The following LDLRAD4 variants were observed in gnomAD, a reference collection of about 807,000 sequenced individuals.
LDLRAD4 encodes the protein low density lipoprotein receptor class A domain containing 4.
Under a neutral mutation model 17.0 loss-of-function variants are expected in LDLRAD4, and 5 were observed. The ratio of observed to expected loss-of-function variants is 0.29; its 90% CI spans 0.15 to 0.62. The LOEUF is 0.62. LDLRAD4 is among the 20% of genes least tolerant of loss of function. LDLRAD4 has a pLI of 0.84. For synonymous variants in LDLRAD4, 168 were observed against 171.8 expected (o/e 0.98, Z 0.17); for missense variants, 340 against 424.7 (o/e 0.80, Z 1.75).
At chr18:13,341,962 G>T (rs533234941) in intron 1 of LDLRAD4, among the ~76,000 whole-genome samples, 15 of 152,080 alleles carry the variant, frequency 9.9e-5, no homozygotes, top group Non-Finnish European at 1.5e-4. Context: ...GTTGAATTTT[G>T]TCAAATGATT....
chr18:13,351,657 G>T (rs1390883443), intron 1 of LDLRAD4, among the ~76,000 whole-genome samples: 2 of 152,162 alleles, frequency 1.3e-5, no homozygotes, highest in African/African-American at 4.8e-5. Flanking sequence ...GGACCAGACA[G>T]ATTCACAGCC....
chr18:13,278,598 C>A (rs377322450), intron 1 of LDLRAD4, among the ~76,000 whole-genome samples: 12 of 152,288 alleles, frequency 7.9e-5, no homozygotes, highest in East Asian at 5.8e-4. Context: ...TGTCAAAGAA[C>A]ATGAAGTGAA....
At chr18:13,649,958 TC>T (rs2149034110) in exon 6 of LDLRAD4, 1 of 397,670 alleles carries the variant, frequency 2.5e-6, no homozygotes, top group East Asian at 3.6e-5. Context: ...AGGGAGAACT[TC>T]CCCTTCTTGG....
intron 3 of LDLRAD4, among the ~76,000 whole-genome samples, chr18:13,566,309 CTG>C (rs1299728251): frequency 6.6e-6 from 1 of 151,892 alleles, no homozygotes; most frequent in Non-Finnish European, 1.5e-5. Context: ...ACACCCATCT[CTG>C]TTCAGCACAA....
intron 1 of LDLRAD4, among the ~76,000 whole-genome samples, chr18:13,348,035 G>C (rs1226905680): frequency 6.6e-6 from 1 of 152,188 alleles, no homozygotes; most frequent in Admixed American, 6.5e-5. Flanking sequence ...CATTAGCTCA[G>C]AGTAGTTTGA....
At chr18:13,328,857 C>T (rs1191061193) in intron 1 of LDLRAD4, among the ~76,000 whole-genome samples, 3 of 152,180 alleles carry the variant, frequency 2.0e-5, no homozygotes, top group Non-Finnish European at 4.4e-5. Flanking sequence ...CTTGTGGACA[C>T]ATTCCAAAAT....
At chr18:13,590,019 ATGTGTATGGGTGTGCATG>A (rs1162432028) in intron 3 of LDLRAD4, among the ~76,000 whole-genome samples, 2 of 140,194 alleles carry the variant, frequency 1.4e-5, no homozygotes, top group African/African-American at 5.9e-5. Context: ...GTGGCTGTGC[ATGTGTATGGGTGTGCATG>A]TGTGTGAGTG....
intron 3 of LDLRAD4, among the ~76,000 whole-genome samples, chr18:13,550,138 C>G (rs867703613): frequency 6.6e-6 from 1 of 152,158 alleles, no homozygotes; most frequent in East Asian, 1.9e-4. Flanking sequence ...TAACATAAGA[C>G]TTGAAAACAG....
chr18:13,512,989 G>A (rs1309164400), intron 3 of LDLRAD4, among the ~76,000 whole-genome samples: 1 of 152,240 alleles, frequency 6.6e-6, no homozygotes, highest in African/African-American at 2.4e-5. Flanking sequence ...TGATAGTGCA[G>A]TGGATGAAGT....
intron 1 of LDLRAD4, among the ~76,000 whole-genome samples, chr18:13,330,946 A>G (rs968059116): frequency 1.3e-5 from 2 of 152,210 alleles, no homozygotes; most frequent in Non-Finnish European, 2.9e-5. Context: ...AGCTAAACAC[A>G]TGGAGGTTCC....
chr18:13,645,114 C>G lies in LDLRAD4; in HGVS notation c.391-13C>G. On this transcript the variant is annotated splice_polypyrimidine_tract_variant and intron_variant, in intron 5 of 5. Transcript: ENST00000359446. This position sits in a 1 kb window ranked among gnomAD's most constrained non-coding sequence, Gnocchi z 5.7. ...CTCAAACTGTCTTCAAGCCTCTCCT[C>G]TTTTCCTTCCAGATCATGCATGCCC... 6.3e-7 allele frequency: 1 copy of G among 1,594,506 alleles called. No homozygotes were observed. Among genetic ancestry groups the G allele is most frequent in the East Asian group, 2.2e-5 (1 of 44,620 alleles).
chr18:13,272,991 G>C (rs1333243254), intron 1 of LDLRAD4, among the ~76,000 whole-genome samples: 1 of 152,212 alleles, frequency 6.6e-6, no homozygotes, highest in Non-Finnish European at 1.5e-5. Context: ...GCATCAGCTA[G>C]TAAAGATGTT....
At chr18:13,594,665 C>CAAAAAAAAAAAAAAAAAAAAAAAAAA (rs56035558) in intron 3 of LDLRAD4, among the ~76,000 whole-genome samples, 1 of 29,594 alleles carries the variant, frequency 3.4e-5, no homozygotes, top group African/African-American at 8.7e-5. Flanking sequence ...GATTCCATCT[C>CAAAAAAAAAAAAAAAAAAAAAAAAAA]AAAAAAAAAA....
intron 1 of LDLRAD4, among the ~76,000 whole-genome samples, chr18:13,230,795 C>A (rs536023334): frequency 7.9e-5 from 12 of 152,288 alleles, no homozygotes; most frequent in Admixed American, 3.3e-4. Context: ...ATCCACAGAC[C>A]ATATCTTGCT....
intron 3 of LDLRAD4, among the ~76,000 whole-genome samples, chr18:13,591,432 C>G (rs4797789): frequency 3.3e-4 from 50 of 150,768 alleles, no homozygotes; most frequent in Middle Eastern, 6.8e-3. Context: ...GTGTGTGTGT[C>G]TGTGTGTGTG....
chr18:13,502,923 C>T (rs1043123205), intron 3 of LDLRAD4, among the ~76,000 whole-genome samples: 15 of 152,184 alleles, frequency 9.9e-5, no homozygotes, highest in African/African-American at 3.6e-4. Context: ...CGGCTATCTG[C>T]TGTAGCAGAA....
chr18:13,369,798 C>T (rs1044860388), intron 1 of LDLRAD4, among the ~76,000 whole-genome samples: 2 of 152,186 alleles, frequency 1.3e-5, no homozygotes, highest in Non-Finnish European at 1.5e-5. Context: ...TGATGCCAGG[C>T]GTCTGGTAAT....
At chr18:13,425,492 G>C (rs1054325203) in intron 2 of LDLRAD4, among the ~76,000 whole-genome samples, 3 of 152,176 alleles carry the variant, frequency 2.0e-5, no homozygotes, top group African/African-American at 7.2e-5. Context: ...TTAAAGCTCA[G>C]CTGTCAGCCT....
chr18:13,453,529 G>C (rs1302118629), intron 3 of LDLRAD4, among the ~76,000 whole-genome samples: 1 of 150,146 alleles, frequency 6.7e-6, no homozygotes, highest in Admixed American at 6.7e-5. Context: ...CACTTGTGAC[G>C]CAAAAAAAAA....
Sources: gnomAD v4.1 joint callset for allele counts (sites outside exome capture counted in the v4.1 genomes callset) on GRCh38, gnomAD v4.1.1 for gene constraint, Gnocchi (gnomAD v3.1) non-coding constraint, MANE v1.5 for transcripts, NCBI Gene and HGNC (gene_info 2026-07-23, HGNC 2026-07-21) for gene names.